The following SPAG16 variants were observed in gnomAD, a reference collection of about 807,000 sequenced individuals.
SPAG16 encodes the protein sperm-associated antigen 16 protein.
SPAG16 carries 86 observed loss-of-function variants against 80.4 expected under a neutral mutation model. The ratio of observed to expected loss-of-function variants is 1.07; its 90% CI spans 0.90 to 1.28. The LOEUF is 1.28. Ranked by LOEUF, SPAG16 falls within the 50% of genes most tolerant of loss-of-function variation. The pLI, the probability that SPAG16 is intolerant of heterozygous loss-of-function variation, is 0.00. For missense variants in SPAG16, 870 were observed against 765.3 expected, an observed-to-expected ratio of 1.14 and a Z score of -1.61; for synonymous variants, 294 against 265.9, an observed-to-expected ratio of 1.11 and a Z score of -1.03.
At chr2:214,167,339 A>T (rs1216734454) in intron 15 of SPAG16, among the ~76,000 whole-genome samples, 1 of 152,112 alleles carries the variant, frequency 6.6e-6, no homozygotes, top group Non-Finnish European at 1.5e-5. Context: ...AGACAGCACC[A>T]GCAGTGGAGG....
At chr2:214,230,393 G>A (rs955503058) in intron 15 of SPAG16, among the ~76,000 whole-genome samples, 1 of 151,916 alleles carries the variant, frequency 6.6e-6, no homozygotes, top group Non-Finnish European at 1.5e-5. Flanking sequence ...TAATGTCAAT[G>A]TTAGCTGCAG....
intron 6 of SPAG16, among the ~76,000 whole-genome samples, chr2:213,342,260 A>C (rs2064723697): frequency 6.7e-6 from 1 of 148,982 alleles, no homozygotes; most frequent in South Asian, 2.1e-4. Flanking sequence ...GTATGCAGCA[A>C]AGTGTATATA....
Position 214,361,959 on chromosome 2 carries a change from A to T in SPAG16, c.1721-48181A>T, listed in dbSNP as rs114746380. Among the ~76,000 whole-genome samples the T allele has an allele frequency of 8.7e-3, 1,322 of 151,990 alleles. 23 individuals are homozygous for T. The highest frequency in any genetic ancestry group is 0.03 in the African/African-American group (1,250 of 41,548). ...ATGTTTATCAGGCAATAGGCCTTTC[A>T]TCTTTAGAACTGAAGATATCTCTGA... On this transcript the variant is annotated intron_variant, in intron 15 of 15. Coordinates refer to ENST00000331683, the MANE Select transcript of SPAG16 (RefSeq NM_024532.5).
chr2:213,694,049 A>AG (rs1168263571), intron 10 of SPAG16, among the ~76,000 whole-genome samples: 3 of 151,960 alleles, frequency 2.0e-5, no homozygotes, highest in South Asian at 2.1e-4. Flanking sequence ...AGACAAAAAA[A>AG]AAAAAGAAAA....
chr2:214,251,160 C>A, intron 15 of SPAG16, among the ~76,000 whole-genome samples: 1 of 151,304 alleles, frequency 6.6e-6, no homozygotes, highest in Non-Finnish European at 1.5e-5. Context: ...TGAATAAATA[C>A]AAGTTAGGGT....
chr2:214,134,108 C>A (rs191101666), intron 14 of SPAG16, among the ~76,000 whole-genome samples: 1 of 152,328 alleles, frequency 6.6e-6, no homozygotes, highest in Admixed American at 6.5e-5. Context: ...GCAGTCTGGA[C>A]TTAATGACGA....
At chr2:213,804,527 C>CA (rs2071623296) in intron 10 of SPAG16, among the ~76,000 whole-genome samples, 1 of 152,046 alleles carries the variant, frequency 6.6e-6, no homozygotes, top group Non-Finnish European at 1.5e-5. Flanking sequence ...ACTAAAAATA[C>CA]AAAAAATTAG....
At chr2:214,366,740 A>C (rs1699505492) in intron 15 of SPAG16, among the ~76,000 whole-genome samples, 3 of 152,302 alleles carry the variant, frequency 2.0e-5, no homozygotes, top group Admixed American at 2.0e-4. Context: ...CAGCAGGGAA[A>C]GGTAAATACA....
intron 7 of SPAG16, 61 bp downstream of exon 7, chr2:213,350,706 G>A (rs1559441871): frequency 1.1e-6 from 1 of 890,084 alleles, no homozygotes. Flanking sequence ...AATAATACAA[G>A]TAGAAATACT....
intron 10 of SPAG16, among the ~76,000 whole-genome samples, chr2:213,727,440 A>C (rs1286140397): frequency 3.9e-5 from 6 of 152,158 alleles, no homozygotes; most frequent in Admixed American, 3.3e-4. Flanking sequence ...TATCAATTTT[A>C]AATAAGGTGG....
intron 10 of SPAG16, among the ~76,000 whole-genome samples, chr2:213,809,582 G>A (rs1037832420): frequency 1.3e-5 from 2 of 152,160 alleles, no homozygotes; most frequent in Non-Finnish European, 2.9e-5. Context: ...AATAACTGAT[G>A]TTCTCAATTT....
At chr2:214,140,944 G>C (rs1453335760) in intron 14 of SPAG16, among the ~76,000 whole-genome samples, 11 of 72,930 alleles carry the variant, frequency 1.5e-4, no homozygotes, top group Admixed American at 6.0e-4. Flanking sequence ...GGGGGGGGGG[G>C]GGTGGGGGGT....
chr2:214,014,509 A>T (rs897763729), intron 13 of SPAG16, among the ~76,000 whole-genome samples: 2 of 152,188 alleles, frequency 1.3e-5, no homozygotes, highest in African/African-American at 4.8e-5. Flanking sequence ...TATCTGCTGG[A>T]AGAGTGTGGA....
chr2:213,665,356 A>G (rs574554143), intron 10 of SPAG16, among the ~76,000 whole-genome samples: 1 of 152,232 alleles, frequency 6.6e-6, no homozygotes, highest in East Asian at 1.9e-4. Flanking sequence ...GATATTAAGT[A>G]TTCCATGCTG....
chr2:214,318,673 G>A (rs144549330), intron 15 of SPAG16, among the ~76,000 whole-genome samples: 3 of 152,074 alleles, frequency 2.0e-5, no homozygotes, highest in African/African-American at 7.2e-5. Context: ...ACCGCGCCCA[G>A]CCCAGAGAGT....
chr2:213,892,272 A>G lies in SPAG16; in HGVS notation c.1214+29644A>G, dbSNP rs111835628. On this transcript the variant is annotated intron_variant, in intron 11 of 15. Coordinates refer to ENST00000331683, the MANE Select transcript of SPAG16 (RefSeq NM_024532.5). The stretch of plus-strand genomic sequence containing the variant: ...AGGCAAACCTGGGCTGAAGGCTACC[A>G]CCCAGAGCTGAAAAGGAGGTGATGA... Among the ~76,000 whole-genome samples, 4 of 152,276 alleles carry G rather than the reference A, an allele frequency of 2.6e-5. 1 individual carries two copies. The highest frequency in any genetic ancestry group is 9.6e-5 in the African/African-American group (4 of 41,568).
At chr2:214,361,321 C>A (rs372489805) in intron 15 of SPAG16, among the ~76,000 whole-genome samples, 1 of 151,746 alleles carries the variant, frequency 6.6e-6, no homozygotes, top group Admixed American at 6.6e-5. Context: ...CTTCTTATTG[C>A]GCAAGTGGTT....
chr2:214,148,333 A>G (rs1257527929), intron 14 of SPAG16, among the ~76,000 whole-genome samples: 4 of 152,098 alleles, frequency 2.6e-5, no homozygotes, highest in Non-Finnish European at 4.4e-5. Flanking sequence ...CTGGGCTCCA[A>G]ACTGAACTGA....
At chr2:214,072,637 T>C (rs1181281276) in intron 13 of SPAG16, among the ~76,000 whole-genome samples, 1 of 152,098 alleles carries the variant, frequency 6.6e-6, no homozygotes, top group African/African-American at 2.4e-5. Context: ...AGGTGTTTGA[T>C]AAAAATTTAG....
Sources: allele counts gnomAD v4.1 joint callset (sites outside exome capture counted in the v4.1 genomes callset), GRCh38; gene constraint gnomAD v4.1.1; transcripts MANE v1.5; gene names NCBI Gene and HGNC (gene_info 2026-07-23, HGNC 2026-07-21).